Variants in KALRN observed in about 807,000 individuals in gnomAD.
The protein encoded by KALRN is kalirin.
Under a neutral mutation model 353.7 loss-of-function variants are expected in KALRN, and 70 were observed. That is an observed-to-expected ratio of 0.20 (90% confidence interval 0.16 to 0.24). The LOEUF is 0.24. KALRN is among the 10% of genes least tolerant of loss of function. The probability of loss-of-function intolerance (pLI) is 1.00; values close to 1 mark genes in which losing one functional copy is unlikely to be tolerated. For missense variants in KALRN, 2,791 were observed against 3,756.7 expected (o/e 0.74, Z 6.72); for synonymous variants, 1,391 against 1,434.8 (o/e 0.97, Z 0.69).
chr3:124,124,482 T>G (rs1366501572), intron 1 of KALRN, among the ~76,000 whole-genome samples: 11 of 152,208 alleles, frequency 7.2e-5, no homozygotes, highest in Non-Finnish European at 2.9e-5. Context: ...AAAAGATTTC[T>G]GTAAACTTAG....
chr3:124,157,437 G>A (rs2069169555), intron 1 of KALRN, among the ~76,000 whole-genome samples: 1 of 152,188 alleles, frequency 6.6e-6, no homozygotes, highest in East Asian at 1.9e-4. Flanking sequence ...TCACTGCCAG[G>A]ATTTAAGGTA....
chr3:124,204,659 C>T (rs2076251496), intron 1 of KALRN, among the ~76,000 whole-genome samples: 1 of 149,816 alleles, frequency 6.7e-6, no homozygotes, highest in South Asian at 2.1e-4. Context: ...TTATCTTCAG[C>T]TTTGGATTAT....
intron 1 of KALRN, among the ~76,000 whole-genome samples, chr3:124,183,349 G>A (rs1039719932): frequency 6.6e-6 from 1 of 152,174 alleles, no homozygotes; most frequent in Non-Finnish European, 1.5e-5. Flanking sequence ...TCCAATCATG[G>A]TGGAAGGTGA....
chr3:124,560,266 C>T (rs758406879), intron 33 of KALRN, among the ~76,000 whole-genome samples: 3 of 152,242 alleles, frequency 2.0e-5, no homozygotes, highest in Non-Finnish European at 2.9e-5. Context: ...ACCATGTTGC[C>T]CTGAAAGGGC....
At chr3:124,260,052 T>C (rs1158228130) in intron 3 of KALRN, among the ~76,000 whole-genome samples, 1 of 152,160 alleles carries the variant, frequency 6.6e-6, no homozygotes, top group Non-Finnish European at 1.5e-5. Flanking sequence ...TGCTCCTGCC[T>C]TGCCATATGA....
rs2087414651 is a variant in KALRN at position 124,678,229 on chromosome 3, G to A, written c.7233G>A (p.Arg2411=). Residue 2411 remains arginine, a synonymous_variant, in exon 50 of 60, where the codon CGG becomes CGA. Transcript: ENST00000682506. ...CSWHTLRMRK[R]AEVENTGKNE... is the part of the protein sequence containing the mutation. ...GGCATACTCTACGCATGAGAAAGCG[G>A]GCGGAAGTGGAGAACACGGGTAAAA... is the stretch of plus-strand genomic sequence containing the variant. 6.2e-7 allele frequency: 1 copy of A among 1,614,072 alleles called. No individual in the cohort carries two copies. The highest frequency in any genetic ancestry group is 8.5e-7 in the Non-Finnish European group (1 of 1,179,968).
At chr3:124,279,012 C>T (rs2075074799) in intron 5 of KALRN, among the ~76,000 whole-genome samples, 2 of 152,192 alleles carry the variant, frequency 1.3e-5, no homozygotes. Flanking sequence ...CCTGTCCTGG[C>T]ATCTCCTCAG....
rs536163963 is a variant in KALRN, at chr3:124,302,185, G to A, written c.1092+3272G>A. Reference sequence around the variant, plus strand: ...ATAATTAAAGATCAGACATTGTATTGGATACTGAGCATATAGTGGTGAACA... The same window carrying A: ...ATAATTAAAGATCAGACATTGTATTAGATACTGAGCATATAGTGGTGAACA... On this transcript the variant is annotated intron_variant, in intron 6 of 59. Transcript: ENST00000682506. Among the ~76,000 whole-genome samples the A allele has an allele frequency of 2.2e-4, 33 of 152,236 alleles. No homozygotes were observed. The South Asian group carries it at 6.4e-3, about 30-fold the overall frequency.
chr3:124,424,320 T>C (rs1194236248), intron 15 of KALRN, among the ~76,000 whole-genome samples: 8 of 152,194 alleles, frequency 5.3e-5, no homozygotes, highest in Non-Finnish European at 1.5e-5. Context: ...CAGAAAACCA[T>C]AGCTCAGCAT....
rs749824515 is a variant in KALRN, at chr3:124,488,189, CT to C, written c.4285-7del. On this transcript the variant is annotated splice_polypyrimidine_tract_variant and intron_variant, in intron 28 of 59. Transcript: ENST00000682506. ...GGAGATGGCCCTAATTATGTCCGGA[CT>C]TTTTTTTCCCCAGGAACTTTTAACT... is the stretch of plus-strand genomic sequence containing the variant. 2.7e-5 allele frequency: 43 copies of C among 1,578,166 alleles called. No individual in the cohort carries two copies. The highest frequency in any genetic ancestry group is 1.2e-4 in the African/African-American group (9 of 74,120).
chr3:124,616,529 C>T (rs2078614348), intron 34 of KALRN, among the ~76,000 whole-genome samples: 1 of 152,182 alleles, frequency 6.6e-6, no homozygotes, highest in South Asian at 2.1e-4. Context: ...AATAGCCAAG[C>T]TCAATGAAAT....
At chr3:124,251,100 G>A (rs1260044121) in intron 3 of KALRN, among the ~76,000 whole-genome samples, 1 of 152,166 alleles carries the variant, frequency 6.6e-6, no homozygotes, top group African/African-American at 2.4e-5. Context: ...CAGAAAGTGG[G>A]TCTCTTCCTT....
At chr3:124,534,697 A>T (rs1157394669) in intron 33 of KALRN, among the ~76,000 whole-genome samples, 2 of 152,180 alleles carry the variant, frequency 1.3e-5, no homozygotes, top group Non-Finnish European at 2.9e-5. Context: ...TTGGAAGGAG[A>T]GGAAGCTGTG....
chr3:124,170,102 T>TA (rs1177597943), intron 1 of KALRN, among the ~76,000 whole-genome samples: 4 of 152,018 alleles, frequency 2.6e-5, no homozygotes, highest in Admixed American at 6.6e-5. Context: ...GGACGTGTGG[T>TA]AAAAAAAGAA....
chr3:124,486,821 T>C (rs2062623309), intron 28 of KALRN, among the ~76,000 whole-genome samples: 2 of 152,194 alleles, frequency 1.3e-5, no homozygotes, highest in African/African-American at 4.8e-5. Context: ...CAATTGGTCA[T>C]GAAAGATATT....
intron 33 of KALRN, among the ~76,000 whole-genome samples, chr3:124,506,641 G>A (rs1436505958): frequency 6.6e-6 from 1 of 152,160 alleles, no homozygotes; most frequent in African/African-American, 2.4e-5. Flanking sequence ...CAACTCAACT[G>A]CAAGGACTTA....
chr3:124,492,458 C>A (rs1349083701), intron 31 of KALRN, among the ~76,000 whole-genome samples: 4 of 152,194 alleles, frequency 2.6e-5, no homozygotes, highest in African/African-American at 9.6e-5. Flanking sequence ...ACCTCCAGGG[C>A]AGATATCAGG....
At chr3:124,153,311 C>T (rs1234632181) in intron 1 of KALRN, among the ~76,000 whole-genome samples, 3 of 135,470 alleles carry the variant, frequency 2.2e-5, no homozygotes, top group Non-Finnish European at 4.6e-5. Context: ...TGTTCCCCTT[C>T]CTGTGTCCAT....
intron 34 of KALRN, among the ~76,000 whole-genome samples, chr3:124,623,424 AC>A (rs1189795302): frequency 5.0e-5 from 7 of 140,324 alleles, no homozygotes; most frequent in East Asian, 2.0e-4. Context: ...ACACACACAC[AC>A]ACAAAAGGGA....
Sources: allele counts gnomAD v4.1 joint callset (sites outside exome capture counted in the v4.1 genomes callset), GRCh38; gene constraint gnomAD v4.1.1; transcripts MANE v1.5; gene names NCBI Gene and HGNC (gene_info 2026-07-23, HGNC 2026-07-21).